PRKAG2: variants seen among roughly 807,000 people sequenced by gnomAD.
PRKAG2 encodes the protein 5'-AMP-activated protein kinase subunit gamma-2.
Under a neutral mutation model 69.6 loss-of-function variants are expected in PRKAG2, and 26 were observed. The observed-to-expected ratio is 0.37, with a 90% CI of 0.27 to 0.52. PRKAG2 has a LOEUF of 0.52. Among genes scored for constraint, PRKAG2 ranks in the 20% least tolerant of loss-of-function variants. The pLI, the probability that PRKAG2 is intolerant of heterozygous loss-of-function variation, is 0.90. For missense variants in PRKAG2, 557 were observed against 740.0 expected (o/e 0.75, Z 2.87); for synonymous variants, 293 against 285.0 (o/e 1.03, Z -0.28).
intron 1 of PRKAG2, among the ~76,000 whole-genome samples, chr7:151,863,128 G>A (rs1038939172): frequency 6.6e-6 from 1 of 151,560 alleles, no homozygotes; most frequent in Non-Finnish European, 1.5e-5. Context: ...AGGTCCCCGG[G>A]TACAGGGGGC....
chr7:151,786,407 G>T, intron 2 of PRKAG2, 63 bp downstream of exon 2: 4 of 1,476,782 alleles, frequency 2.7e-6, no homozygotes, highest in South Asian at 1.2e-5. Flanking sequence ...GTGGGCTCAG[G>T]CTCTGCCTGC....
At chr7:151,847,637 T>C (rs997655885) in intron 1 of PRKAG2, among the ~76,000 whole-genome samples, 1 of 152,162 alleles carries the variant, frequency 6.6e-6, no homozygotes, top group Admixed American at 6.5e-5. Context: ...AACACGACGA[T>C]GAGCTAACCT....
intron 2 of PRKAG2, among the ~76,000 whole-genome samples, chr7:151,784,968 G>A (rs562876600): frequency 6.6e-6 from 1 of 152,256 alleles, no homozygotes; most frequent in African/African-American, 2.4e-5. Flanking sequence ...GCTGGGGTGG[G>A]CTGCGTGGCG....
At chr7:151,716,970 G>C (rs1489321951) in intron 3 of PRKAG2, among the ~76,000 whole-genome samples, 1 of 152,194 alleles carries the variant, frequency 6.6e-6, no homozygotes, top group Non-Finnish European at 1.5e-5. Flanking sequence ...AGGTGGGCCG[G>C]GTGTGGTGGC....
At chr7:151,830,497 G>A (rs934654838) in intron 1 of PRKAG2, among the ~76,000 whole-genome samples, 1 of 151,982 alleles carries the variant, frequency 6.6e-6, no homozygotes, top group African/African-American at 2.4e-5. Context: ...CTCCTTTGAG[G>A]TAACACACGG....
intron 3 of PRKAG2, among the ~76,000 whole-genome samples, chr7:151,718,278 AG>A (rs147529174): frequency 0.11 from 15,926 of 151,430 alleles, 1,786 homozygotes; most frequent in African/African-American, 0.28. Flanking sequence ...TGGTGGGTGG[AG>A]GGGGGGGTAG....
Position 151,557,149 on chromosome 7 carries a change from A to G in PRKAG2, c.*52T>C, listed in dbSNP as rs1803919393. On this transcript the variant is annotated 3_prime_UTR_variant, in exon 16 of 16. Transcript: ENST00000287878. ...GCCAGTGTTCATGAGGCAAAACGTG[A>G]CCCAGAGACTTTGTTCAAGTTCTCC... 6.2e-7 allele frequency: 1 copy of G among 1,613,816 alleles called. No homozygotes were observed. Among genetic ancestry groups the G allele is most frequent in the Admixed American group, 1.7e-5 (1 of 60,002 alleles).
At chr7:151,643,116 T>C (rs1296094824) in intron 4 of PRKAG2, among the ~76,000 whole-genome samples, 1 of 152,232 alleles carries the variant, frequency 6.6e-6, no homozygotes, top group Non-Finnish European at 1.5e-5. Flanking sequence ...AATCCATTTT[T>C]TTGCCAATCA....
rs1257330966 is a variant in PRKAG2, at chr7:151,772,984, T to TGAAAGAAAGAAA, written c.466+8156_466+8167dup. Reference sequence around the variant, plus strand: ...GACAGAGACCCTGTCTCTAAATGAATGAAAGAAAGAAAGAAAGAAAGAAAG... The same window carrying TGAAAGAAAGAAA: ...GACAGAGACCCTGTCTCTAAATGAATGAAAGAAAGAAAGAAAGAAAGAAAGAAAGAAAGAAAG... On this transcript the variant is annotated intron_variant, in intron 3 of 15. Coordinates refer to ENST00000287878, the MANE Select transcript of PRKAG2 (RefSeq NM_016203.4). Among the ~76,000 whole-genome samples, 51 of 71,830 alleles carry TGAAAGAAAGAAA rather than the reference T, an allele frequency of 7.1e-4. 1 individual carries two copies. Among genetic ancestry groups the TGAAAGAAAGAAA allele is most frequent in the Admixed American group, 1.4e-3 (7 of 5,130 alleles). 47.1% of individuals were successfully genotyped at this position (71,830 alleles called of 152,430 possible).
intron 1 of PRKAG2, among the ~76,000 whole-genome samples, chr7:151,855,504 A>ACCCTC (rs2079742174): frequency 6.2e-5 from 3 of 48,136 alleles, no homozygotes; most frequent in Admixed American, 2.1e-4. Flanking sequence ...ACCACCCTCC[A>ACCCTC]CACACACCGC....
intron 3 of PRKAG2, among the ~76,000 whole-genome samples, chr7:151,727,227 C>CA (rs1233574399): frequency 6.7e-6 from 1 of 149,196 alleles, no homozygotes; most frequent in Non-Finnish European, 1.5e-5. Flanking sequence ...AAAAAAAAAA[C>CA]AAAAAACAAA....
intron 5 of PRKAG2, among the ~76,000 whole-genome samples, chr7:151,601,077 T>C (rs186859337): frequency 6.6e-6 from 1 of 152,246 alleles, no homozygotes; most frequent in Non-Finnish European, 1.5e-5. Flanking sequence ...GGTGCGCTCA[T>C]CTGAGCGCAC....
Position 151,777,251 on chromosome 7 carries a change from G to T in PRKAG2, c.466+3901C>A, listed in dbSNP as rs2076415244. ...GTGGACACCAGCAGAGTCATCCCCA[G>T]GCCTGTGCCTGCGTTCCCTCACTGT... On this transcript the variant is annotated intron_variant, in intron 3 of 15. Coordinates refer to ENST00000287878, the MANE Select transcript of PRKAG2 (RefSeq NM_016203.4). The surrounding 1 kb of genome is among the most constrained non-coding windows in gnomAD (Gnocchi z 4.3). 6.6e-6 allele frequency among the ~76,000 whole-genome samples: 1 copy of T among 152,208 alleles called. No individual in the cohort carries two copies. The highest frequency in any genetic ancestry group is 1.5e-5 in the Non-Finnish European group (1 of 68,034).
At position 151,807,273 on chromosome 7, in the gene PRKAG2, A is replaced by T; in HGVS notation, c.115-20732T>A. On this transcript the variant is annotated intron_variant, in intron 1 of 15. Coordinates refer to ENST00000287878, the MANE Select transcript of PRKAG2 (RefSeq NM_016203.4). The surrounding 1 kb of genome is among the most constrained non-coding windows in gnomAD (Gnocchi z 4.4). Reference sequence around the variant, plus strand: ...AAAAAGTGGCCAGTCAGCCACCAGCAGACCCATGGGATAGGGGAAGAAAAA... The same window carrying T: ...AAAAAGTGGCCAGTCAGCCACCAGCTGACCCATGGGATAGGGGAAGAAAAA... The T allele has an allele frequency of 2.6e-6, 1 of 389,686 alleles. No homozygotes were observed. The highest frequency in any genetic ancestry group is 5.2e-6 in the Non-Finnish European group (1 of 192,500). 24.1% of individuals were successfully genotyped at this position (389,686 alleles called of 1,614,324 possible).
chr7:151,842,130 GT>G (rs1458224394), intron 1 of PRKAG2, among the ~76,000 whole-genome samples: 1 of 148,812 alleles, frequency 6.7e-6, no homozygotes, highest in Non-Finnish European at 1.5e-5. Context: ...GGTGGGGATG[GT>G]AGTGATGGTA....
chr7:151,711,736 G>A (rs1196501486), intron 3 of PRKAG2, among the ~76,000 whole-genome samples: 1 of 152,212 alleles, frequency 6.6e-6, no homozygotes, highest in Non-Finnish European at 1.5e-5. Context: ...GAAGAGAACA[G>A]GCTCTCCATC....
Position 151,758,016 on chromosome 7 carries a change from G to A in PRKAG2, c.466+23136C>T, listed in dbSNP as rs189550891. On this transcript the variant is annotated intron_variant, in intron 3 of 15. Transcript: ENST00000287878. ...CATCTCAGTGCTGTAAATCTTCCCC[G>A]GGTGTCAGAGTATATTCTCCACCTT... Among the ~76,000 whole-genome samples the A allele has an allele frequency of 1.1e-4, 16 of 152,306 alleles. 1 individual carries two copies. The highest frequency in any genetic ancestry group is 7.8e-4 in the Admixed American group (12 of 15,304).
At chr7:151,665,406 G>A (rs763825672) in intron 4 of PRKAG2, among the ~76,000 whole-genome samples, 17 of 152,180 alleles carry the variant, frequency 1.1e-4, no homozygotes, top group South Asian at 6.2e-4. Context: ...AAAGGGCCAC[G>A]CTCCCAGTCG....
chr7:151,854,151 C>T lies in PRKAG2; in HGVS notation c.114+22356G>A, dbSNP rs67760509. ...ACGGGCCAGAGAGAAGAAGCCTCCACCCCGACTGCTGTTGTTTATTTCTCT... is the reference window on the plus strand; with the variant it reads ...ACGGGCCAGAGAGAAGAAGCCTCCATCCCGACTGCTGTTGTTTATTTCTCT... On this transcript the variant is annotated intron_variant, in intron 1 of 15. Coordinates refer to ENST00000287878, the MANE Select transcript of PRKAG2 (RefSeq NM_016203.4). Among the ~76,000 whole-genome samples, 13 of 152,296 alleles carry T rather than the reference C, an allele frequency of 8.5e-5. No homozygotes were observed. In the South Asian group the frequency reaches 2.7e-3, roughly 32 times the overall value.
Sources: allele counts gnomAD v4.1 joint callset (sites outside exome capture counted in the v4.1 genomes callset), GRCh38; gene constraint gnomAD v4.1.1; non-coding constraint Gnocchi (gnomAD v3.1); transcripts MANE v1.5; gene names NCBI Gene and HGNC (gene_info 2026-07-23, HGNC 2026-07-21).